Variants in ARHGAP24 observed in about 807,000 individuals in gnomAD.
ARHGAP24 encodes Rho GTPase activating protein 24, also known as rho GTPase-activating protein 24.
ARHGAP24 carries 50 observed loss-of-function variants against 76.4 expected under a neutral mutation model. The ratio of observed to expected loss-of-function variants is 0.65; its 90% CI spans 0.52 to 0.83. The LOEUF (loss-of-function observed/expected upper bound fraction) is 0.83. Ranked by LOEUF, ARHGAP24 falls within the 40% of genes least tolerant of loss-of-function variation. The probability of loss-of-function intolerance (pLI) is 0.00; values close to 1 mark genes in which losing one functional copy is unlikely to be tolerated. For synonymous variants in ARHGAP24, 345 were observed against 323.3 expected (o/e 1.07, Z -0.72); for missense variants, 930 against 914.2 (o/e 1.02, Z -0.22).
chr4:85,998,761 T>C (rs1255768707), intron 9 of ARHGAP24, among the ~76,000 whole-genome samples: 1 of 152,192 alleles, frequency 6.6e-6, no homozygotes, highest in Non-Finnish European at 1.5e-5. Context: ...GGAGATTTTG[T>C]AGTCTCTTCT....
intron 1 of ARHGAP24, among the ~76,000 whole-genome samples, chr4:85,543,642 AAT>A (rs941851303): frequency 1.2e-4 from 19 of 152,186 alleles, no homozygotes; most frequent in Admixed American, 1.2e-3. Flanking sequence ...TAGTGTTAAT[AAT>A]ATGATTATTT....
At chr4:85,630,500 A>T (rs1472247273) in intron 2 of ARHGAP24, among the ~76,000 whole-genome samples, 1 of 152,128 alleles carries the variant, frequency 6.6e-6, no homozygotes, top group African/African-American at 2.4e-5. Flanking sequence ...CTTTGGCAGG[A>T]TAAACGTTTA....
At chr4:85,571,847 T>A (rs1727152214) in intron 2 of ARHGAP24, among the ~76,000 whole-genome samples, 1 of 152,232 alleles carries the variant, frequency 6.6e-6, no homozygotes, top group Non-Finnish European at 1.5e-5. Flanking sequence ...ACACCAAGGT[T>A]TATGTGTAAT....
chr4:85,551,530 C>A (rs1263711717), intron 1 of ARHGAP24, among the ~76,000 whole-genome samples: 1 of 152,076 alleles, frequency 6.6e-6, no homozygotes, highest in Non-Finnish European at 1.5e-5. Context: ...GTTTTGGTAT[C>A]AGAATGATGC....
intron 3 of ARHGAP24, among the ~76,000 whole-genome samples, chr4:85,753,396 A>G (rs1041177577): frequency 1.3e-5 from 2 of 152,210 alleles, no homozygotes; most frequent in Non-Finnish European, 1.5e-5. Flanking sequence ...ATTTTCAGAC[A>G]GTTAGGTAGT....
chr4:85,695,483 T>C (rs1176070214), intron 2 of ARHGAP24, among the ~76,000 whole-genome samples: 1 of 152,158 alleles, frequency 6.6e-6, no homozygotes, highest in Non-Finnish European at 1.5e-5. Flanking sequence ...TGGAAAAAAA[T>C]CAAATTATTG....
intron 2 of ARHGAP24, among the ~76,000 whole-genome samples, chr4:85,612,085 C>A (rs1214920255): frequency 3.1e-5 from 1 of 32,026 alleles, no homozygotes; most frequent in Non-Finnish European, 1.2e-4. Flanking sequence ...CATTACATTA[C>A]ACACACACAC....
intron 2 of ARHGAP24, among the ~76,000 whole-genome samples, chr4:85,610,311 G>A (rs1235045137): frequency 1.3e-5 from 2 of 151,652 alleles, no homozygotes; most frequent in African/African-American, 2.4e-5. Flanking sequence ...AGGTGTGGTG[G>A]CGGACACCTG....
chr4:85,531,451 T>C (rs1725256957), intron 1 of ARHGAP24, among the ~76,000 whole-genome samples: 1 of 152,054 alleles, frequency 6.6e-6, no homozygotes, highest in African/African-American at 2.4e-5. Flanking sequence ...GTATTCCTAC[T>C]CACAAATGAC....
At chr4:85,998,452 CTTTG>C (rs1283098874) in intron 9 of ARHGAP24, among the ~76,000 whole-genome samples, 3 of 152,026 alleles carry the variant, frequency 2.0e-5, no homozygotes, top group East Asian at 3.9e-4. Context: ...AACTTTCAAA[CTTTG>C]TTTGATGATT....
intron 5 of ARHGAP24, among the ~76,000 whole-genome samples, chr4:85,949,302 G>A (rs1173664252): frequency 1.3e-5 from 2 of 152,100 alleles, no homozygotes; most frequent in Non-Finnish European, 2.9e-5. Flanking sequence ...ATGACTGTTC[G>A]AGGTATCTAT....
At chr4:85,826,487 C>G (rs1225883665) in intron 3 of ARHGAP24, among the ~76,000 whole-genome samples, 1 of 152,172 alleles carries the variant, frequency 6.6e-6, no homozygotes, top group East Asian at 1.9e-4. Flanking sequence ...ACAAAGAGAA[C>G]AGCAGTTCAA....
At chr4:85,529,310 C>T (rs1725157282) in intron 1 of ARHGAP24, among the ~76,000 whole-genome samples, 1 of 152,004 alleles carries the variant, frequency 6.6e-6, no homozygotes, top group African/African-American at 2.4e-5. Flanking sequence ...AAATAAAGCA[C>T]CTGTTCTTTA....
chr4:85,703,272 T>C (rs935776066), intron 2 of ARHGAP24, among the ~76,000 whole-genome samples: 6 of 152,188 alleles, frequency 3.9e-5, no homozygotes, highest in African/African-American at 1.2e-4. Flanking sequence ...GTACGTGTCA[T>C]GTGAAAGGCA....
chr4:85,620,360 T>C (rs1430006121), intron 2 of ARHGAP24, among the ~76,000 whole-genome samples: 1 of 152,054 alleles, frequency 6.6e-6, no homozygotes, highest in Non-Finnish European at 1.5e-5. Context: ...CTTTTCTATT[T>C]CTTCATGATT....
chr4:85,719,377 T>C (rs1478436071), intron 2 of ARHGAP24, among the ~76,000 whole-genome samples: 4 of 152,174 alleles, frequency 2.6e-5, no homozygotes, highest in East Asian at 1.9e-4. Flanking sequence ...TTGTAAGGCA[T>C]GGGGGGAGAG....
intron 2 of ARHGAP24, among the ~76,000 whole-genome samples, chr4:85,600,116 G>A (rs2109987437): frequency 6.6e-6 from 1 of 152,272 alleles, no homozygotes; most frequent in South Asian, 2.1e-4. Context: ...TAGGTAGAGA[G>A]GTCCAGGGTG....
At chr4:85,752,569 T>C (rs1726305047) in intron 3 of ARHGAP24, among the ~76,000 whole-genome samples, 2 of 152,112 alleles carry the variant, frequency 1.3e-5, no homozygotes, top group African/African-American at 2.4e-5. Flanking sequence ...TTTTTACAGA[T>C]GAGAAAAGTG....
chr4:85,562,571 C>T (rs1235503645), intron 1 of ARHGAP24, among the ~76,000 whole-genome samples: 3 of 152,194 alleles, frequency 2.0e-5, no homozygotes, highest in African/African-American at 7.2e-5. Context: ...TTGTCCTTGA[C>T]TCTTGCCCCT....
Sources: gnomAD v4.1 joint callset for allele counts (sites outside exome capture counted in the v4.1 genomes callset) on GRCh38, gnomAD v4.1.1 for gene constraint, MANE v1.5 for transcripts, NCBI Gene and HGNC (gene_info 2026-07-23, HGNC 2026-07-21) for gene names.